Variants in METTL24 observed in about 807,000 individuals in gnomAD.
The protein encoded by METTL24 is methyltransferase like 24, also known as probable methyltransferase-like protein 24.
In METTL24, 29 loss-of-function variants were observed where a neutral mutation model predicts 32.7. The observed-to-expected ratio is 0.89, with a 90% CI of 0.66 to 1.21. METTL24 has a LOEUF of 1.21. METTL24 is among the 50% of genes most tolerant of loss of function. The pLI is 0.00. For synonymous variants in METTL24, 163 were observed against 179.5 expected, an observed-to-expected ratio of 0.91 and a Z score of 0.73; for missense variants, 439 against 468.1, an observed-to-expected ratio of 0.94 and a Z score of 0.57.
chr6:110,299,273 C>T (rs536878996), intron 3 of METTL24, 123 bp from the exon 4 acceptor site: 1 of 775,838 alleles, frequency 1.3e-6, no homozygotes, highest in East Asian at 2.6e-5. Context: ...TGTTTTAACC[C>T]ATGGCTAATG....
intron 4 of METTL24, among the ~76,000 whole-genome samples, chr6:110,251,700 C>T (rs1026407750): frequency 3.3e-5 from 5 of 152,156 alleles, no homozygotes; most frequent in African/African-American, 1.2e-4. Flanking sequence ...GAGATAGCAT[C>T]ACCTAAGTAT....
intron 1 of METTL24, among the ~76,000 whole-genome samples, chr6:110,349,873 A>G (rs1245974100): frequency 6.6e-6 from 1 of 152,260 alleles, no homozygotes; most frequent in Non-Finnish European, 1.5e-5. Context: ...TTAAAGATTT[A>G]TTAGCTTACA....
rs187306192 is a variant in METTL24, at chr6:110,276,577, G to A, written c.786+22345C>T. On this transcript the variant is annotated intron_variant, in intron 4 of 4. Transcript: ENST00000338882. ...CAAATGAATCTAACTGGTAGAATAC[G>A]CTAAAGAGATATTTTCATTGGAAGG... 1.3e-3 allele frequency among the ~76,000 whole-genome samples: 199 copies of A among 152,278 alleles called. 2 individuals carry two copies. Among genetic ancestry groups the A allele is most frequent in the East Asian group, 5.8e-4 (3 of 5,182 alleles).
In METTL24 at chr6:110,322,798, G is replaced by T. The variant is rs779003156; in HGVS notation, c.393C>A (p.Phe131Leu). The change falls in exon 2 of 5, where the codon TTC becomes TTA. Residue 131 changes from phenylalanine (F) to leucine (L), a missense_variant. Physicochemically the swap from Phe to Leu is conservative, Grantham distance 22. Coordinates refer to ENST00000338882, the MANE Select transcript of METTL24 (RefSeq NM_001123364.3). ...CCTGGGTGGTGCTGATATATCTCAG[G>T]AACCTCCAGGCTTCTTCATCCAGGG... ...AQSLDEEAWR[F>L]LRYISTTQIA... 69 of 1,613,672 alleles carry T rather than the reference G, an allele frequency of 4.3e-5. No individual in the cohort carries two copies. Among genetic ancestry groups the T allele is most frequent in the Non-Finnish European group, 5.3e-5 (63 of 1,179,810 alleles).
At chr6:110,310,039 T>C (rs1162230330) in intron 3 of METTL24, among the ~76,000 whole-genome samples, 1 of 152,320 alleles carries the variant, frequency 6.6e-6, no homozygotes, top group East Asian at 1.9e-4. Context: ...TTGAGGTCCA[T>C]GGTTTTCACA....
intron 4 of METTL24, among the ~76,000 whole-genome samples, chr6:110,298,451 A>G (rs1771460489): frequency 6.6e-6 from 1 of 152,244 alleles, no homozygotes; most frequent in African/African-American, 2.4e-5. Flanking sequence ...AAAGCTATAT[A>G]TATTTTCTGT....
At chr6:110,303,203 G>A (rs538090835) in intron 3 of METTL24, among the ~76,000 whole-genome samples, 25 of 152,224 alleles carry the variant, frequency 1.6e-4, no homozygotes, top group African/African-American at 6.0e-4. Flanking sequence ...TACACCACCA[G>A]AGCCCTGGGT....
At chr6:110,265,423 C>T (rs1408225849) in intron 4 of METTL24, among the ~76,000 whole-genome samples, 3 of 152,234 alleles carry the variant, frequency 2.0e-5, no homozygotes, top group East Asian at 3.9e-4. Context: ...TGCTTGCCCA[C>T]GTATCCATTC....
rs555803203 is a variant in METTL24 at position 110,302,654 on chromosome 6, T to C, written c.558-3504A>G. Among the ~76,000 whole-genome samples, 4 of 142,656 alleles carry C rather than the reference T, an allele frequency of 2.8e-5. 1 individual carries two copies. The East Asian group carries it at 8.3e-4, about 29-fold the overall frequency. The allele number at this position is 142,656 out of a possible 152,430, so 93.6% of individuals were successfully genotyped here. A position where few individuals can be genotyped will look rare whatever the true frequency, so the allele number is the denominator to read the frequency against. On this transcript the variant is annotated intron_variant, in intron 3 of 4. Coordinates refer to ENST00000338882, the MANE Select transcript of METTL24 (RefSeq NM_001123364.3). ...ATATACACACACATATGTGTATATA[T>C]ATACACATATACACACACATACACG...
chr6:110,332,917 A>C (rs1772134136), intron 1 of METTL24, among the ~76,000 whole-genome samples: 1 of 152,066 alleles, frequency 6.6e-6, no homozygotes, highest in African/African-American at 2.4e-5. Flanking sequence ...TCGAAAAAAA[A>C]AAAAAAGCAA....
chr6:110,263,166 G>A (rs1187764695), intron 4 of METTL24, among the ~76,000 whole-genome samples: 3 of 152,168 alleles, frequency 2.0e-5, no homozygotes, highest in Non-Finnish European at 4.4e-5. Flanking sequence ...ATTAGGAAAA[G>A]GGGAAGTTAA....
At chr6:110,346,115 G>A (rs1772467348) in intron 1 of METTL24, among the ~76,000 whole-genome samples, 1 of 152,204 alleles carries the variant, frequency 6.6e-6, no homozygotes, top group South Asian at 2.1e-4. Flanking sequence ...TCTGTGTAAA[G>A]AGTCTGTAAT....
chr6:110,358,041 T>C lies in METTL24; in HGVS notation c.232A>G (p.Ser78Gly). ...CCCCCCGGCGGCGCCCGGCGACCGC[T>C]GCGCACGTAGGTCACCTGCCTCCTG... ...ASRRQVTYVR[S>G]GRRAPPGGGG... is the part of the protein sequence containing the mutation. The change falls in exon 1 of 5, where the codon AGC becomes GGC. Residue 78 changes from serine (S) to glycine (G), a missense_variant. Ser to Gly is a moderately conservative substitution (Grantham distance 56). Transcript: ENST00000338882. 1 of 1,112,118 alleles carries C rather than the reference T, an allele frequency of 9.0e-7. No individual in the cohort carries two copies. Among genetic ancestry groups the C allele is most frequent in the East Asian group, 4.7e-5 (1 of 21,128 alleles). 68.9% of individuals were successfully genotyped at this position (1,112,118 alleles called of 1,614,324 possible). A position where few individuals can be genotyped will look rare whatever the true frequency, so the allele number is the denominator to read the frequency against.
In METTL24 at chr6:110,243,958, T is replaced by C. The variant is rs1428030845; in HGVS notation, c.*1988A>G. On this transcript the variant is annotated 3_prime_UTR_variant, in exon 5 of 5. Transcript: ENST00000338882. ...AATAATGTGGTTTTTATGCTATTTA[T>C]TTGAAATAGAATTTTAGAAAATTAT... is the stretch of plus-strand genomic sequence containing the variant. 6.6e-6 allele frequency among the ~76,000 whole-genome samples: 1 copy of C among 152,242 alleles called. No homozygotes were observed. Among genetic ancestry groups the C allele is most frequent in the Non-Finnish European group, 1.5e-5 (1 of 68,042 alleles).
intron 4 of METTL24, among the ~76,000 whole-genome samples, chr6:110,258,834 CAAAAG>C (rs1349405953): frequency 2.7e-5 from 4 of 149,530 alleles, no homozygotes; most frequent in Admixed American, 2.0e-4. Flanking sequence ...CAAAACAAAA[CAAAAG>C]AAAACAAAAC....
intron 1 of METTL24, among the ~76,000 whole-genome samples, chr6:110,338,988 A>G (rs1772294669): frequency 6.6e-6 from 1 of 152,222 alleles, no homozygotes; most frequent in Non-Finnish European, 1.5e-5. Context: ...CCTCCCAGAG[A>G]TAACCTCCTG....
chr6:110,311,524 A>T (rs1215125931), intron 3 of METTL24, among the ~76,000 whole-genome samples: 1 of 123,850 alleles, frequency 8.1e-6, no homozygotes, highest in African/African-American at 3.2e-5. Flanking sequence ...CCCAGGCTGG[A>T]GTGCAGTGGC....
intron 1 of METTL24, 126 bp from the exon 2 acceptor site, chr6:110,322,998 G>T: frequency 1.7e-6 from 1 of 602,796 alleles, no homozygotes; most frequent in Admixed American, 2.9e-5. Flanking sequence ...TATGCACACA[G>T]GCAGCAGGAG....
chr6:110,333,754 C>T (rs1490624351), intron 1 of METTL24, among the ~76,000 whole-genome samples: 1 of 152,116 alleles, frequency 6.6e-6, no homozygotes, highest in Non-Finnish European at 1.5e-5. Context: ...GATTTTTAAC[C>T]TATGTTACTT....
Sources: allele counts gnomAD v4.1 joint callset (sites outside exome capture counted in the v4.1 genomes callset), GRCh38; gene constraint gnomAD v4.1.1; transcripts MANE v1.5; gene names NCBI Gene and HGNC (gene_info 2026-07-23, HGNC 2026-07-21).